The following TRAK2 variants were observed in gnomAD, a reference collection of about 807,000 sequenced individuals.
TRAK2 encodes trafficking kinesin-binding protein 2.
In TRAK2, 81 loss-of-function variants were observed where a neutral mutation model predicts 104.6. That is an observed-to-expected ratio of 0.77 (90% CI 0.65 to 0.93). The LOEUF (loss-of-function observed/expected upper bound fraction) is 0.93, where lower values mean the gene tolerates loss of function less well. Among genes scored for constraint, TRAK2 ranks in the 40% least tolerant of loss-of-function variants. The pLI is 0.00. For missense variants in TRAK2, 1,002 were observed against 1,089.0 expected, an observed-to-expected ratio of 0.92 and a Z score of 1.12; for synonymous variants, 406 against 394.4, an observed-to-expected ratio of 1.03 and a Z score of -0.35.
At position 201,398,254 on chromosome 2, in the gene TRAK2, G is replaced by C. The variant is rs746993161; in HGVS notation, c.581C>G (p.Pro194Arg). 1.9e-6 allele frequency: 3 copies of C among 1,613,766 alleles called. No homozygotes were observed. The highest frequency in any genetic ancestry group is 1.7e-6 in the Non-Finnish European group (2 of 1,179,744). Residue 194 changes from proline (P) to arginine (R), a missense_variant, in exon 6 of 16, where the codon CCT becomes CGT. Physicochemically the swap from Pro to Arg is moderately radical, Grantham distance 103 (BLOSUM62 -2). Transcript: ENST00000332624. ...GCTAAAGGACTCATTGAACCGAAGA[G>C]GTGTAGAACAGCTGGAATCAGTTTC... ...ESETDSSCST[P>R]LRFNESFSLS...
intron 1 of TRAK2, among the ~76,000 whole-genome samples, chr2:201,444,211 AT>A (rs1324469712): frequency 1.3e-5 from 2 of 152,008 alleles, no homozygotes; most frequent in African/African-American, 2.4e-5. Flanking sequence ...AAAAAAATAA[AT>A]AATAAAATAA....
At chr2:201,385,654 C>T (rs756209434) in intron 14 of TRAK2, among the ~76,000 whole-genome samples, 1 of 152,158 alleles carries the variant, frequency 6.6e-6, no homozygotes, top group African/African-American at 2.4e-5. Context: ...CATGTTTGTG[C>T]CTGGCTGCAT....
At position 201,380,751 on chromosome 2, in the gene TRAK2, A is replaced by G. The variant is rs916113571; in HGVS notation, c.2537T>C (p.Val846Ala). Residue 846 changes from valine to alanine, a missense_variant, in exon 16 of 16, where the codon GTG becomes GCG. Transcript: ENST00000332624. The stretch of plus-strand genomic sequence containing the variant: ...CTCTTGGGCACCAGGGTTCTTGACC[A>G]CTCTGGCTATCCCCAGTCTCTTCAG... ...DRLKRLGIAR[V>A]VKNPGAQENG... The G allele has an allele frequency of 5.6e-6, 9 of 1,613,962 alleles. No homozygotes were observed. The South Asian group carries it at 9.9e-5, about 18-fold the overall frequency.
At chr2:201,446,713 T>C (rs1951967324) in intron 1 of TRAK2, among the ~76,000 whole-genome samples, 1 of 152,256 alleles carries the variant, frequency 6.6e-6, no homozygotes, top group Non-Finnish European at 1.5e-5. Context: ...TCAGTATGTT[T>C]ACGTTTAAAA....
rs759530879 is a variant in TRAK2, at chr2:201,380,706, G to T, written c.2582C>A (p.Ala861Glu). Reference protein sequence around the residue: ...GAQENGRCQEAEIGPQKPDSA... With the variant: ...GAQENGRCQEEEIGPQKPDSA... ...ATCTGGTTTTTGAGGACCAATTTCT[G>T]CCTCCTGGCATCTTCCATTCTCTTG... is the stretch of plus-strand genomic sequence containing the variant. The change falls in exon 16 of 16, where the codon GCA (alanine) becomes GAA (glutamate). Residue 861 changes from alanine to glutamate, a missense_variant. Transcript: ENST00000332624. 7.4e-6 allele frequency: 12 copies of T among 1,613,892 alleles called. No homozygotes were observed. In the East Asian group the frequency reaches 2.7e-4, roughly 36 times the overall value.
chr2:201,400,840 A>G (rs1951544432), intron 4 of TRAK2, among the ~76,000 whole-genome samples, 178 bp downstream of exon 4: 3 of 152,104 alleles, frequency 2.0e-5, no homozygotes, highest in African/African-American at 4.8e-5. Flanking sequence ...ATAGCATTAC[A>G]ATAATAAACT....
chr2:201,420,662 C>G lies in TRAK2; in HGVS notation c.-155G>C. The stretch of plus-strand genomic sequence containing the variant: ...CTGATGAGTCAAATGACATCCGTAG[C>G]AACGAGCACTCTCATGTGATTATCA... On this transcript the variant is annotated 5_prime_UTR_variant, in exon 2 of 16. Coordinates refer to ENST00000332624, the MANE Select transcript of TRAK2 (RefSeq NM_015049.3). 1.6e-6 allele frequency: 1 copy of G among 615,572 alleles called. No individual in the cohort carries two copies. Among genetic ancestry groups the G allele is most frequent in the South Asian group, 1.9e-5 (1 of 51,804 alleles). 38.1% of individuals were successfully genotyped at this position (615,572 alleles called of 1,614,324 possible).
rs1431595366 is a variant in TRAK2, at chr2:201,394,871, T to C, written c.902A>G (p.His301Arg). 3 of 1,613,052 alleles carry C rather than the reference T, an allele frequency of 1.9e-6. No individual in the cohort carries two copies. The highest frequency in any genetic ancestry group is 2.7e-5 in the African/African-American group (2 of 74,904). The part of the protein sequence containing the change: ...IVDLQHKLKE[H>R]VIEKEELKLH... ...TTTTAGTTCTTCCTTCTCAATCACA[T>C]GCTAACAACATATTAAAAAAGACAT... is the stretch of plus-strand genomic sequence containing the variant. Residue 301 changes from histidine (H) to arginine (R), a missense_variant and splice_region_variant, in exon 9 of 16, where the codon CAT becomes CGT. Physicochemically the swap from His to Arg is conservative, Grantham distance 29. Transcript: ENST00000332624.
At chr2:201,415,311 C>G (rs533242721) in intron 2 of TRAK2, among the ~76,000 whole-genome samples, 1 of 152,038 alleles carries the variant, frequency 6.6e-6, no homozygotes, top group Admixed American at 6.6e-5. Context: ...AAACACCTAA[C>G]AATGTAACAT....
chr2:201,411,475 G>A lies in TRAK2; in HGVS notation c.92-3878C>T. 8.1e-6 allele frequency: 6 copies of A among 744,060 alleles called. No individual in the cohort carries two copies. In the South Asian group the frequency reaches 8.1e-5, roughly 10 times the overall value. 46.1% of individuals were successfully genotyped at this position (744,060 alleles called of 1,614,324 possible). A position where few individuals can be genotyped will look rare whatever the true frequency, so the allele number is the denominator to read the frequency against. On this transcript the variant is annotated intron_variant, in intron 2 of 15. Coordinates refer to ENST00000332624, the MANE Select transcript of TRAK2 (RefSeq NM_015049.3). ...TGATTTCCTATGTCCAAAGATTTCTGTTGTTCTTGCATTATATGAAGTTGC... is the reference window on the plus strand; with the variant it reads ...TGATTTCCTATGTCCAAAGATTTCTATTGTTCTTGCATTATATGAAGTTGC...
At chr2:201,451,071 G>A (rs2125667429) in intron 1 of TRAK2, among the ~76,000 whole-genome samples, 1 of 152,326 alleles carries the variant, frequency 6.6e-6, no homozygotes, top group East Asian at 1.9e-4. Context: ...ATGCTGTATG[G>A]CAGAGGATAA....
chr2:201,398,143 A>T lies in TRAK2; in HGVS notation c.690+2T>A. On this transcript the variant is annotated splice_donor_variant, in intron 6 of 15. Transcript: ENST00000332624. LOFTEE classifies it high-confidence loss of function. ...GGAAAATGGCAATTAGGTTGAACGTACCTTGGATCGAAGAGCCATATTCTC... is the reference window on the plus strand; with the variant it reads ...GGAAAATGGCAATTAGGTTGAACGTTCCTTGGATCGAAGAGCCATATTCTC... 6.2e-7 allele frequency: 1 copy of T among 1,613,338 alleles called. No homozygotes were observed. Among genetic ancestry groups the T allele is most frequent in the African/African-American group, 1.3e-5 (1 of 75,020 alleles).
chr2:201,441,018 C>T (rs182123185), intron 1 of TRAK2, among the ~76,000 whole-genome samples: 2 of 152,116 alleles, frequency 1.3e-5, no homozygotes, highest in African/African-American at 2.4e-5. Context: ...GTGCCTACTA[C>T]CTAGAAGCTT....
At chr2:201,415,542 C>T (rs1253860085) in intron 2 of TRAK2, among the ~76,000 whole-genome samples, 1 of 152,018 alleles carries the variant, frequency 6.6e-6, no homozygotes, top group Non-Finnish European at 1.5e-5. Flanking sequence ...GATATGCCTG[C>T]ATTTTAAAAA....
intron 15 of TRAK2, among the ~76,000 whole-genome samples, chr2:201,383,881 A>G (rs935572217): frequency 1.3e-5 from 2 of 152,136 alleles, no homozygotes; most frequent in African/African-American, 4.8e-5. Context: ...AGGACCAGTC[A>G]CCTCAACCTT....
intron 2 of TRAK2, among the ~76,000 whole-genome samples, chr2:201,417,749 G>T (rs1362337318): frequency 6.6e-6 from 1 of 151,828 alleles, no homozygotes; most frequent in Non-Finnish European, 1.5e-5. Context: ...TAAATAAAAG[G>T]CATCCAGATT....
intron 4 of TRAK2, 94 bp downstream of exon 4, chr2:201,400,924 T>C: frequency 4.3e-6 from 4 of 922,970 alleles, no homozygotes; most frequent in Non-Finnish European, 1.7e-6. Flanking sequence ...CCAGAGCACG[T>C]ACAACATTTT....
chr2:201,433,564 A>C (rs1951859395), intron 1 of TRAK2: 1 of 152,106 alleles, frequency 6.6e-6, no homozygotes, highest in Non-Finnish European at 1.5e-5. Context: ...CTCCTAGTTG[A>C]ATATTTTGGG....
At chr2:201,395,559 A>ATT in intron 7 of TRAK2, 115 bp from the exon 8 acceptor site, 1 of 1,071,464 alleles carries the variant, frequency 9.3e-7, no homozygotes, top group East Asian at 2.9e-5. Context: ...TCGTGAATAG[A>ATT]TTTTTCTTAA....
Sources: gnomAD v4.1 joint callset for allele counts (sites outside exome capture counted in the v4.1 genomes callset) on GRCh38, gnomAD v4.1.1 for gene constraint, MANE v1.5 for transcripts, NCBI Gene and HGNC (gene_info 2026-07-23, HGNC 2026-07-21) for gene names.